NADSYN1: variants seen among roughly 807,000 people sequenced by gnomAD.
NADSYN1 encodes the protein NAD synthetase 1.
Under a neutral mutation model 99.3 loss-of-function variants are expected in NADSYN1, and 80 were observed. That is an observed-to-expected ratio of 0.81 (90% CI 0.67 to 0.97). The LOEUF is 0.97. Ranked by LOEUF, NADSYN1 falls within the 50% of genes least tolerant of loss-of-function variation. The probability of loss-of-function intolerance (pLI) is 0.00; values close to 1 mark genes in which losing one functional copy is unlikely to be tolerated. For missense variants in NADSYN1, 859 were observed against 948.5 expected, an observed-to-expected ratio of 0.91 and a Z score of 1.24; for synonymous variants, 385 against 372.1, an observed-to-expected ratio of 1.03 and a Z score of -0.40.
intron 2 of NADSYN1, among the ~76,000 whole-genome samples, chr11:71,457,784 CCT>C (rs1949523282): frequency 6.6e-6 from 1 of 152,170 alleles, no homozygotes; most frequent in Non-Finnish European, 1.5e-5. Context: ...TCCTGTTCTC[CCT>C]GTCTCTCCTC....
intron 5 of NADSYN1, among the ~76,000 whole-genome samples, chr11:71,465,402 G>A (rs1949581080): frequency 6.6e-6 from 1 of 152,180 alleles, no homozygotes; most frequent in African/African-American, 2.4e-5. Flanking sequence ...ATTTGATGCT[G>A]CTGATTAAAT....
At chr11:71,463,967 C>A in intron 4 of NADSYN1, 86 bp from the exon 5 acceptor site, 1 of 1,126,706 alleles carries the variant, frequency 8.9e-7, no homozygotes, top group Non-Finnish European at 1.3e-6. Context: ...CATGGCATCA[C>A]CTCGTCACTT....
chr11:71,481,039 G>C, intron 11 of NADSYN1, 160 bp downstream of exon 11: 2 of 993,282 alleles, frequency 2.0e-6, no homozygotes, highest in Non-Finnish European at 2.9e-6. Context: ...GTGGATGCTA[G>C]AGCCAGAACC....
At chr11:71,458,623 C>T in intron 3 of NADSYN1, 79 bp downstream of exon 3, 1 of 999,018 alleles carries the variant, frequency 1.0e-6, no homozygotes, top group Non-Finnish European at 1.6e-6. Context: ...AACCGGCCTC[C>T]ATCCAGGGTG....
intron 9 of NADSYN1, 23 bp downstream of exon 9, chr11:71,474,549 C>G: frequency 6.2e-7 from 1 of 1,613,824 alleles, no homozygotes; most frequent in Non-Finnish European, 8.5e-7. Context: ...CCTGGACATG[C>G]CTGGGGGAGG....
chr11:71,477,694 A>G (rs1480864084), intron 9 of NADSYN1, among the ~76,000 whole-genome samples: 2 of 152,150 alleles, frequency 1.3e-5, no homozygotes, highest in Non-Finnish European at 2.9e-5. Flanking sequence ...GGGCAGTGTC[A>G]CCTCCTGTGA....
intron 8 of NADSYN1, among the ~76,000 whole-genome samples, chr11:71,473,967 T>A (rs1949646947): frequency 6.6e-6 from 1 of 152,158 alleles, no homozygotes; most frequent in Admixed American, 6.5e-5. Flanking sequence ...TGGTGAGGCG[T>A]AGGGAACACC....
chr11:71,458,501 G>A lies in NADSYN1; in HGVS notation c.220G>A (p.Val74Met), dbSNP rs2276360. The change falls in exon 3 of 21, where the codon GTG (valine) becomes ATG (methionine). Residue 74 changes from valine (V) to methionine (M), a missense_variant. Physicochemically the swap from Val to Met is conservative, Grantham distance 21. Coordinates refer to ENST00000319023, the MANE Select transcript of NADSYN1 (RefSeq NM_018161.5). Reference sequence around the variant, plus strand: ...CTCGTTTCAAGTCCTAGCGGCCCTTGTGGAGTCTCCCGTCACTCAGGACAT... The same window carrying A: ...CTCGTTTCAAGTCCTAGCGGCCCTTATGGAGTCTCCCGTCACTCAGGACAT... ...LHSFQVLAAL[V>M]ESPVTQDIIC... The A allele has an allele frequency of 2.5e-6, 4 of 1,613,496 alleles. No individual in the cohort carries two copies. The Admixed American group carries it at 5.0e-5, about 20-fold the overall frequency.
intron 1 of NADSYN1, among the ~76,000 whole-genome samples, chr11:71,453,936 C>A (rs1240754555): frequency 6.6e-6 from 1 of 152,130 alleles, no homozygotes; most frequent in Non-Finnish European, 1.5e-5. Flanking sequence ...GAAACACCGT[C>A]TCTACTAAAA....
rs543176265 is a variant in NADSYN1, at chr11:71,482,718, C to T, written c.1151-131C>T. 2.4e-5 allele frequency: 22 copies of T among 930,836 alleles called. No homozygotes were observed. In the African/African-American group the frequency reaches 2.7e-4, roughly 11 times the overall value. 57.7% of individuals were successfully genotyped at this position (930,836 alleles called of 1,614,324 possible). The stretch of plus-strand genomic sequence containing the variant: ...CTGGGGGTGTAGACCGGGGTGGAGC[C>T]GCACAGGCACCTGGGGGTGTAGACC... On this transcript the variant is annotated intron_variant, in intron 13 of 20. Transcript: ENST00000319023.
At chr11:71,485,711 T>C (rs7952035) in intron 16 of NADSYN1, 63 bp downstream of exon 16, 77,007 of 1,220,086 alleles carry the variant, frequency 0.063, 3,162 homozygotes, top group African/African-American at 0.14. Context: ...CTGAAGGTGA[T>C]ACGCTGTGAG....
intron 20 of NADSYN1, 124 bp downstream of exon 20, chr11:71,498,652 C>T: frequency 9.4e-7 from 1 of 1,059,758 alleles, no homozygotes; most frequent in Non-Finnish European, 1.4e-6. Flanking sequence ...GTCCTCCTTT[C>T]TGCAAAGGGA....
chr11:71,491,502 A>G (rs1303341338), intron 17 of NADSYN1, among the ~76,000 whole-genome samples: 1 of 152,090 alleles, frequency 6.6e-6, no homozygotes, highest in Non-Finnish European at 1.5e-5. Flanking sequence ...GTGCTCCTCA[A>G]TGTGGCGCAG....
chr11:71,455,471 C>T lies in NADSYN1; in HGVS notation c.146+301C>T, dbSNP rs536340219. On this transcript the variant is annotated intron_variant, in intron 2 of 20. Transcript: ENST00000319023. ...CCTTTTGCTGTGGTCTGAATGTTTG[C>T]GTCCCCACAAAATTCATATGTTGAA... 13 of 368,170 alleles carry T rather than the reference C, an allele frequency of 3.5e-5. No homozygotes were observed. The East Asian group carries it at 3.8e-4, about 11-fold the overall frequency. 22.8% of individuals were successfully genotyped at this position (368,170 alleles called of 1,614,324 possible). A position where few individuals can be genotyped will look rare whatever the true frequency, so the allele number is the denominator to read the frequency against.
chr11:71,456,249 A>T (rs1292148870), intron 2 of NADSYN1, among the ~76,000 whole-genome samples: 1 of 152,220 alleles, frequency 6.6e-6, no homozygotes, highest in East Asian at 1.9e-4. Flanking sequence ...CTCTCCTTAG[A>T]ATACCACCTT....
chr11:71,455,716 G>T (rs574630348), intron 2 of NADSYN1, among the ~76,000 whole-genome samples: 1 of 152,330 alleles, frequency 6.6e-6, no homozygotes, highest in Admixed American at 6.5e-5. Flanking sequence ...GGGCTTCCCA[G>T]CCTCCAGAAC....
At chr11:71,459,303 G>T (rs888388854) in intron 3 of NADSYN1, among the ~76,000 whole-genome samples, 1 of 146,754 alleles carries the variant, frequency 6.8e-6, no homozygotes, top group African/African-American at 2.5e-5. Flanking sequence ...CTCTGTGTGC[G>T]CTGTGCTGGC....
intron 2 of NADSYN1, 125 bp from the exon 3 acceptor site, chr11:71,458,303 A>G: frequency 1.4e-6 from 1 of 711,632 alleles, no homozygotes; most frequent in South Asian, 1.7e-5. Flanking sequence ...AATCACCTGG[A>G]AGGCTTTGAG....
chr11:71,458,549 G>A lies in NADSYN1; in HGVS notation c.263+5G>A. 1.3e-6 allele frequency: 2 copies of A among 1,594,374 alleles called. No homozygotes were observed. Among genetic ancestry groups the A allele is most frequent in the Non-Finnish European group, 1.7e-6 (2 of 1,161,630 alleles). Reference sequence around the variant, plus strand: ...CATCATCTGCGACGTGGGGATGTAAGTGCCAGTGTGAGTGTGGAAGGGCAA... The same window carrying A: ...CATCATCTGCGACGTGGGGATGTAAATGCCAGTGTGAGTGTGGAAGGGCAA... On this transcript the variant is annotated splice_donor_5th_base_variant and intron_variant, in intron 3 of 20. Transcript: ENST00000319023.
Sources: allele counts gnomAD v4.1 joint callset (sites outside exome capture counted in the v4.1 genomes callset), GRCh38; gene constraint gnomAD v4.1.1; transcripts MANE v1.5; gene names NCBI Gene and HGNC (gene_info 2026-07-23, HGNC 2026-07-21).